The following WDR89 variants were observed in gnomAD, a reference collection of about 807,000 sequenced individuals.
The protein encoded by WDR89 is WD repeat-containing protein 89.
A neutral mutation model predicts 29.1 loss-of-function variants in WDR89; 17 were observed. The ratio of observed to expected loss-of-function variants is 0.58; its 90% CI spans 0.40 to 0.88. The LOEUF is 0.88. Ranked by LOEUF, WDR89 falls within the 40% of genes least tolerant of loss-of-function variation. WDR89 has a pLI of 0.00. For synonymous variants in WDR89, 138 were observed against 157.8 expected (o/e 0.87, Z 0.94); for missense variants, 396 against 456.3 (o/e 0.87, Z 1.20).
chr14:63,600,717 C>CAAA lies in WDR89; in HGVS notation c.-31-747_-31-745dup, dbSNP rs56059698. ...TAGAATTTAAACATAGATATGTAGG[C>CAAA]AAAAAAAAAAAAAAAAAAAAAAAAA... On this transcript the variant is annotated intron_variant, in intron 2 of 2. Coordinates refer to ENST00000620954, the MANE Select transcript of WDR89 (RefSeq NM_080666.4). Among the ~76,000 whole-genome samples the CAAA allele has an allele frequency of 9.4e-4, 34 of 36,204 alleles. 2 individuals carry two copies. Among genetic ancestry groups the CAAA allele is most frequent in the Middle Eastern group, 0.045 (2 of 44 alleles). The allele number at this position is 36,204 out of a possible 152,430, so 23.8% of individuals were successfully genotyped here.
At position 63,599,962 on chromosome 14, in the gene WDR89, G is replaced by A. The variant is rs1230060895; in HGVS notation, c.-20C>T. 6 of 1,516,220 alleles carry A rather than the reference G, an allele frequency of 4.0e-6. No individual in the cohort carries two copies. The South Asian group carries it at 4.1e-5, about 10-fold the overall frequency. The allele number at this position is 1,516,220 out of a possible 1,614,324, so 93.9% of individuals were successfully genotyped here. The stretch of plus-strand genomic sequence containing the variant: ...TTCCATGTCAACAGCAGCATCCAAG[G>A]GTAGTAAAACTCTGTAAAAAATAAT... On this transcript the variant is annotated 5_prime_UTR_variant, in exon 3 of 3. Transcript: ENST00000620954.
Position 63,612,305 on chromosome 14 carries a change from G to C in WDR89, c.-31-12332C>G, listed in dbSNP as rs1386412459. 2.0e-5 allele frequency among the ~76,000 whole-genome samples: 3 copies of C among 151,808 alleles called. No homozygotes were observed. In the East Asian group the frequency reaches 5.8e-4, roughly 29 times the overall value. Reference sequence around the variant, plus strand: ...ATCCCCTTCCCCAAAGCAGTACTAAGGAAAGGTAAAAATAAAATTTCAAGT... The same window carrying C: ...ATCCCCTTCCCCAAAGCAGTACTAACGAAAGGTAAAAATAAAATTTCAAGT... On this transcript the variant is annotated intron_variant, in intron 2 of 2. Coordinates refer to ENST00000620954, the MANE Select transcript of WDR89 (RefSeq NM_080666.4).
chr14:63,618,357 G>C (rs1882450765), intron 2 of WDR89, among the ~76,000 whole-genome samples: 1 of 152,080 alleles, frequency 6.6e-6, no homozygotes, highest in South Asian at 2.1e-4. Flanking sequence ...GTTTTGCCAT[G>C]TTGCCCAGGC....
At chr14:63,611,335 C>CAAA (rs769975882) in intron 2 of WDR89, among the ~76,000 whole-genome samples, 19 of 22,846 alleles carry the variant, frequency 8.3e-4, no homozygotes, top group East Asian at 2.0e-3. Flanking sequence ...GGCCCTGTCG[C>CAAA]AAAAAAAAAA....
At chr14:63,622,112 A>G (rs1882731803) in intron 2 of WDR89, among the ~76,000 whole-genome samples, 1 of 152,234 alleles carries the variant, frequency 6.6e-6, no homozygotes, top group Non-Finnish European at 1.5e-5. Flanking sequence ...ACTAGTAATA[A>G]CAAACCAAGG....
chr14:63,604,634 A>C (rs747635557), intron 2 of WDR89, among the ~76,000 whole-genome samples: 54 of 152,336 alleles, frequency 3.5e-4, no homozygotes, highest in Non-Finnish European at 6.2e-4. Context: ...CACCATATTT[A>C]TATGTATCTT....
chr14:63,607,185 C>T (rs1056425356), intron 2 of WDR89, among the ~76,000 whole-genome samples: 18 of 151,930 alleles, frequency 1.2e-4, no homozygotes, highest in African/African-American at 1.9e-4. Context: ...TTTTTTGAGA[C>T]GGAGTCTTGC....
At chr14:63,605,794 T>C (rs1895295725) in intron 2 of WDR89, among the ~76,000 whole-genome samples, 1 of 152,124 alleles carries the variant, frequency 6.6e-6, no homozygotes, top group Non-Finnish European at 1.5e-5. Context: ...TAGAGTGGAC[T>C]TTCTCTACTT....
At chr14:63,611,721 A>C (rs1001525665) in intron 2 of WDR89, among the ~76,000 whole-genome samples, 1 of 151,698 alleles carries the variant, frequency 6.6e-6, no homozygotes, top group Non-Finnish European at 1.5e-5. Flanking sequence ...ATTTTTTTTA[A>C]ATTTTTATTT....
At chr14:63,610,233 A>AAAAAAAC (rs2139511888) in intron 2 of WDR89, among the ~76,000 whole-genome samples, 1 of 151,302 alleles carries the variant, frequency 6.6e-6, no homozygotes, top group East Asian at 1.9e-4. Flanking sequence ...AAAAAAAAAA[A>AAAAAAAC]AAAAAAAAAA....
chr14:63,603,197 A>G (rs1468826866), intron 2 of WDR89, among the ~76,000 whole-genome samples: 2 of 152,110 alleles, frequency 1.3e-5, no homozygotes, highest in African/African-American at 4.8e-5. Flanking sequence ...AAAAAGTTCT[A>G]ATGCACACAC....
chr14:63,602,585 C>G (rs1166124803), intron 2 of WDR89, among the ~76,000 whole-genome samples: 1 of 151,016 alleles, frequency 6.6e-6, no homozygotes, highest in Non-Finnish European at 1.5e-5. Context: ...CCAGTCTGAC[C>G]GACATGGAAA....
intron 2 of WDR89, among the ~76,000 whole-genome samples, chr14:63,600,397 G>A (rs912529234): frequency 6.6e-6 from 1 of 152,128 alleles, no homozygotes; most frequent in East Asian, 1.9e-4. Context: ...TCAGGAGGCT[G>A]AGGTAGGAGG....
chr14:63,601,070 C>T lies in WDR89; in HGVS notation c.-31-1097G>A, dbSNP rs150319392. On this transcript the variant is annotated intron_variant, in intron 2 of 2. Transcript: ENST00000620954. ...AGAGTGGCCTCTAGAAACTAAAAAG[C>T]AAGAAAAGATTGTCCTCTAAGCCTC... Among the ~76,000 whole-genome samples the T allele has an allele frequency of 2.1e-4, 32 of 152,104 alleles. No individual in the cohort carries two copies. In the East Asian group the frequency reaches 5.8e-3, roughly 28 times the overall value.
chr14:63,640,849 G>A (rs1331190366), intron 1 of WDR89, among the ~76,000 whole-genome samples: 1 of 149,078 alleles, frequency 6.7e-6, no homozygotes, highest in Non-Finnish European at 1.5e-5. Context: ...TGTAATCCCA[G>A]CACTTTGGGA....
intron 2 of WDR89, among the ~76,000 whole-genome samples, chr14:63,610,748 G>A (rs1881925492): frequency 6.8e-6 from 1 of 147,466 alleles, no homozygotes; most frequent in Non-Finnish European, 1.5e-5. Context: ...TGTCACCCAG[G>A]CTGGAGTGCA....
At chr14:63,640,100 G>T (rs1267517361) in intron 1 of WDR89, among the ~76,000 whole-genome samples, 1 of 152,174 alleles carries the variant, frequency 6.6e-6, no homozygotes, top group Non-Finnish European at 1.5e-5. Flanking sequence ...GCATTCACAG[G>T]AAAGTATTCC....
intron 2 of WDR89, among the ~76,000 whole-genome samples, chr14:63,615,745 C>G (rs1381589911): frequency 6.6e-6 from 1 of 151,866 alleles, no homozygotes; most frequent in South Asian, 2.1e-4. Context: ...GCCAACATGG[C>G]GAAACCTGTC....
chr14:63,618,796 G>C (rs1205245503), intron 2 of WDR89, among the ~76,000 whole-genome samples: 1 of 152,082 alleles, frequency 6.6e-6, no homozygotes, highest in Non-Finnish European at 1.5e-5. Flanking sequence ...GGGGATAAAG[G>C]AAAGATTCTA....
Sources: allele counts gnomAD v4.1 joint callset (sites outside exome capture counted in the v4.1 genomes callset), GRCh38; gene constraint gnomAD v4.1.1; transcripts MANE v1.5; gene names NCBI Gene and HGNC (gene_info 2026-07-23, HGNC 2026-07-21).